Variants in LARGE1 observed in about 807,000 individuals in gnomAD.
LARGE1 encodes xylosyl- and glucuronyltransferase LARGE1.
Under a neutral mutation model 87.6 loss-of-function variants are expected in LARGE1, and 43 were observed. That is an observed-to-expected ratio of 0.49 (90% CI 0.38 to 0.63). LARGE1 has a LOEUF of 0.63. Among genes scored for constraint, LARGE1 ranks in the 30% least tolerant of loss-of-function variants. The probability of loss-of-function intolerance (pLI) is 0.00; values close to 1 mark genes in which losing one functional copy is unlikely to be tolerated. For missense variants in LARGE1, 802 were observed against 1,000.2 expected (o/e 0.80, Z 2.67); for synonymous variants, 434 against 394.6 (o/e 1.10, Z -1.18).
At chr22:33,399,612 G>A (rs748524999) in intron 7 of LARGE1, among the ~76,000 whole-genome samples, 27 of 152,200 alleles carry the variant, frequency 1.8e-4, no homozygotes, top group South Asian at 6.2e-4. Context: ...GCAATGGTGC[G>A]ATCTCGGCTC....
intron 2 of LARGE1, among the ~76,000 whole-genome samples, chr22:33,728,551 CAAA>C (rs57790780): frequency 2.1e-4 from 8 of 37,466 alleles, no homozygotes; most frequent in African/African-American, 4.3e-4. Flanking sequence ...CCCCTACCAC[CAAA>C]AAAAAAAAAA....
the LARGE1 span, among the ~76,000 whole-genome samples, chr22:33,154,348 C>T: frequency 1.3e-5 from 2 of 152,164 alleles, no homozygotes; most frequent in African/African-American, 4.8e-5. Context: ...TCAGGCGATT[C>T]TCCTGCCTCA....
intron 9 of LARGE1, among the ~76,000 whole-genome samples, chr22:33,354,531 T>C (rs1940709088): frequency 6.6e-6 from 1 of 152,240 alleles, no homozygotes; most frequent in Admixed American, 6.5e-5. Context: ...TCCGTTAACC[T>C]ATCGATGACA....
At chr22:33,324,228 C>CAAAAA (rs1161508287) in intron 10 of LARGE1, among the ~76,000 whole-genome samples, 35 of 10,744 alleles carry the variant, frequency 3.3e-3, no homozygotes, top group African/African-American at 7.7e-3. Flanking sequence ...GACTCCATCT[C>CAAAAA]AAAAAAAAAA....
chr22:33,504,364 A>C (rs960753952), intron 6 of LARGE1, among the ~76,000 whole-genome samples: 1 of 152,080 alleles, frequency 6.6e-6, no homozygotes, highest in Non-Finnish European at 1.5e-5. Context: ...GGTTCAAGCA[A>C]TTCTCCTGCC....
At chr22:33,161,272 T>C (rs191979210), downstream of LARGE1, among the ~76,000 whole-genome samples, 1 of 152,278 alleles carries the variant, frequency 6.6e-6, no homozygotes, top group Admixed American at 6.5e-5. Context: ...TGATGGGAAC[T>C]AGAATTCAAG....
the LARGE1 span, among the ~76,000 whole-genome samples, chr22:33,136,516 A>G: frequency 6.6e-6 from 1 of 152,190 alleles, no homozygotes. Context: ...TCAAGATGAG[A>G]TTTGGGTGGG....
At chr22:33,501,100 C>G (rs1206841073) in intron 6 of LARGE1, among the ~76,000 whole-genome samples, 1 of 152,004 alleles carries the variant, frequency 6.6e-6, no homozygotes, top group East Asian at 1.9e-4. Flanking sequence ...GGTGACACTT[C>G]AAAGAAGCTC....
chr22:33,779,365 T>C (rs2085346009), intron 1 of LARGE1, among the ~76,000 whole-genome samples: 1 of 151,944 alleles, frequency 6.6e-6, no homozygotes, highest in Non-Finnish European at 1.5e-5. Flanking sequence ...GTAGGTTAAA[T>C]AATATGCCAT....
chr22:33,780,711 T>C (rs1014507506), intron 1 of LARGE1, among the ~76,000 whole-genome samples: 7 of 152,194 alleles, frequency 4.6e-5, no homozygotes, highest in African/African-American at 1.7e-4. Context: ...GAGACATAAA[T>C]CCCTCCTCTG....
chr22:33,713,793 C>T (rs1459455758), intron 2 of LARGE1, among the ~76,000 whole-genome samples: 1 of 151,686 alleles, frequency 6.6e-6, no homozygotes, highest in Non-Finnish European at 1.5e-5. Context: ...ACCGTGCCTA[C>T]AAAAAATTTA....
chr22:33,156,095 T>C, the LARGE1 span, among the ~76,000 whole-genome samples: 1 of 152,194 alleles, frequency 6.6e-6, no homozygotes, highest in Non-Finnish European at 1.5e-5. Flanking sequence ...AGGCAGAAGT[T>C]TGCTGCAGGG....
intron 9 of LARGE1, among the ~76,000 whole-genome samples, chr22:33,380,194 C>T (rs1028224057): frequency 3.9e-5 from 6 of 152,046 alleles, no homozygotes; most frequent in Non-Finnish European, 7.4e-5. Flanking sequence ...GGTTTTATTT[C>T]GCCCCCTCTC....
chr22:33,126,979 A>T, the LARGE1 span, among the ~76,000 whole-genome samples: 1 of 152,074 alleles, frequency 6.6e-6, no homozygotes, highest in Non-Finnish European at 1.5e-5. Context: ...GTTATTTCAT[A>T]GCTCTCTCTT....
chr22:33,554,934 AACAG>A (rs1457068428), intron 6 of LARGE1, among the ~76,000 whole-genome samples: 1 of 152,192 alleles, frequency 6.6e-6, no homozygotes, highest in African/African-American at 2.4e-5. Context: ...TCAGGCATAA[AACAG>A]ACAAAGATCC....
chr22:33,267,006 G>A (rs1284822543), intron 11 of LARGE1, among the ~76,000 whole-genome samples: 1 of 151,644 alleles, frequency 6.6e-6, no homozygotes, highest in African/African-American at 2.4e-5. Context: ...TTGGGAGTCC[G>A]AAGCAGGTGG....
At chr22:33,581,475 G>A in intron 5 of LARGE1, among the ~76,000 whole-genome samples, 1 of 152,122 alleles carries the variant, frequency 6.6e-6, no homozygotes, top group East Asian at 1.9e-4. Flanking sequence ...AATAAATAAA[G>A]TTATTTTGTT....
At chr22:33,150,784 C>T in the LARGE1 span, among the ~76,000 whole-genome samples, 1 of 152,078 alleles carries the variant, frequency 6.6e-6, no homozygotes, top group Non-Finnish European at 1.5e-5. Context: ...TGTGTGGACC[C>T]TCTGTTCTAT....
At chr22:33,918,920 CTCCT>C (rs2065863135) in intron 1 of LARGE1, among the ~76,000 whole-genome samples, 1 of 47,180 alleles carries the variant, frequency 2.1e-5, no homozygotes, top group Non-Finnish European at 4.3e-5. Flanking sequence ...CCCCCACTCC[CTCCT>C]CTCTCTCTCT....
Sources: gnomAD v4.1 joint callset for allele counts (sites outside exome capture counted in the v4.1 genomes callset) on GRCh38, gnomAD v4.1.1 for gene constraint, MANE v1.5 for transcripts, NCBI Gene and HGNC (gene_info 2026-07-23, HGNC 2026-07-21) for gene names.